The following CAMSAP1 variants were observed in gnomAD, a reference collection of about 807,000 sequenced individuals.
The protein encoded by CAMSAP1 is calmodulin regulated spectrin associated protein 1, also known as calmodulin-regulated spectrin-associated protein 1.
In CAMSAP1, 58 loss-of-function variants were observed where a neutral mutation model predicts 143.5. That is an observed-to-expected ratio of 0.40 (90% CI 0.33 to 0.50). CAMSAP1 has a LOEUF of 0.50. Among genes scored for constraint, CAMSAP1 ranks in the 20% least tolerant of loss-of-function variants. The pLI is 0.45. For synonymous variants in CAMSAP1, 945 were observed against 859.3 expected, an observed-to-expected ratio of 1.10 and a Z score of -1.74; for missense variants, 1,969 against 2,115.7, an observed-to-expected ratio of 0.93 and a Z score of 1.36.
At chr9:135,881,287 G>A (rs144887531) in intron 3 of CAMSAP1, among the ~76,000 whole-genome samples, 1 of 151,998 alleles carries the variant, frequency 6.6e-6, no homozygotes, top group Non-Finnish European at 1.5e-5. Flanking sequence ...GAGCCTGGGA[G>A]GTCAAGGCTG....
At chr9:135,889,937 C>A (rs1184802393) in intron 1 of CAMSAP1, among the ~76,000 whole-genome samples, 4 of 152,204 alleles carry the variant, frequency 2.6e-5, no homozygotes, top group African/African-American at 9.6e-5. Context: ...AATCTCGAGG[C>A]CCCCAAGGGC....
rs920214173 is a variant in CAMSAP1, at chr9:135,820,994, C to G, written c.3667G>C (p.Val1223Leu). 1 of 1,612,640 alleles carries G rather than the reference C, an allele frequency of 6.2e-7. No individual in the cohort carries two copies. The highest frequency in any genetic ancestry group is 1.7e-5 in the Admixed American group (1 of 59,974). Reference protein sequence around the residue: ...SDVSGKESVPVEEPLRSRASL... With the variant: ...SDVSGKESVPLEEPLRSRASL... The stretch of plus-strand genomic sequence containing the variant: ...GCCCTGCTCCTCAGAGGCTCCTCCA[C>G]GGGGACGCTCTCTTTTCCCGAGACA... The change falls in exon 11 of 17, where the codon GTG becomes CTG. Residue 1223 changes from valine (V) to leucine (L), a missense_variant. This residue lies in a region of CAMSAP1 where 1,390 missense variants were observed against 1,420.8 expected (regional missense o/e 0.98). Transcript: ENST00000389532. The surrounding 1 kb of genome is among the most constrained non-coding windows in gnomAD (Gnocchi z 4.4).
At chr9:135,886,742 C>T (rs558082502) in intron 1 of CAMSAP1, among the ~76,000 whole-genome samples, 14 of 152,290 alleles carry the variant, frequency 9.2e-5, no homozygotes, top group African/African-American at 3.1e-4. Flanking sequence ...GGAGAATGAG[C>T]GTGGACCCAG....
chr9:135,821,588 C>T lies in CAMSAP1; in HGVS notation c.3073G>A (p.Glu1025Lys), dbSNP rs374893562. The stretch of plus-strand genomic sequence containing the variant: ...GTACTGATGGTTTCGTTAAGCTTCT[C>T]GATGGAAAGGTCACATTCATTCACG... ...VDVNECDLSI[E>K]KLNETISTLQ... Residue 1025 changes from glutamate (E) to lysine (K), a missense_variant, in exon 11 of 17, where the codon GAG becomes AAG. This residue lies in a region of CAMSAP1 where 1,390 missense variants were observed against 1,420.8 expected (regional missense o/e 0.98). Coordinates refer to ENST00000389532, the MANE Select transcript of CAMSAP1 (RefSeq NM_015447.4). This position sits in a 1 kb window ranked among gnomAD's most constrained non-coding sequence, Gnocchi z 4.6. 2.5e-6 allele frequency: 4 copies of T among 1,613,870 alleles called. No homozygotes were observed. The highest frequency in any genetic ancestry group is 3.4e-6 in the Non-Finnish European group (4 of 1,179,888).
chr9:135,883,280 ACT>A (rs1838018134), intron 1 of CAMSAP1, among the ~76,000 whole-genome samples: 1 of 152,210 alleles, frequency 6.6e-6, no homozygotes, highest in African/African-American at 2.4e-5. Flanking sequence ...CAATAATTCT[ACT>A]GTCTTCTGTA....
Position 135,810,971 on chromosome 9 carries a change from C to G in CAMSAP1, c.*338G>C. 1 of 342,114 alleles carries G rather than the reference C, an allele frequency of 2.9e-6. No homozygotes were observed. 21.2% of individuals were successfully genotyped at this position (342,114 alleles called of 1,614,324 possible). ...TCTAATCTATGCTGAAGGAGAACTT[C>G]AAGTAAGGGAGCTCCGTGGCCCGGG... is the stretch of plus-strand genomic sequence containing the variant. On this transcript the variant is annotated 3_prime_UTR_variant, in exon 17 of 17. Coordinates refer to ENST00000389532, the MANE Select transcript of CAMSAP1 (RefSeq NM_015447.4).
At position 135,836,069 on chromosome 9, in the gene CAMSAP1, C is replaced by T. The variant is rs539573363; in HGVS notation, c.1046-8485G>A. On this transcript the variant is annotated intron_variant, in intron 7 of 16. Transcript: ENST00000389532. ...CAGCTTTTTCAGAGCTTCTCTTATC[C>T]GACCAGGGGCAGAAACTTCGGAAAG... 159 of 972,068 alleles carry T rather than the reference C, an allele frequency of 1.6e-4. 1 individual carries two copies. Among genetic ancestry groups the T allele is most frequent in the Non-Finnish European group, 1.9e-4 (154 of 817,764 alleles). The allele number at this position is 972,068 out of a possible 1,614,324, so 60.2% of individuals were successfully genotyped here.
chr9:135,814,530 C>T (rs1360054849), intron 16 of CAMSAP1, among the ~76,000 whole-genome samples: 1 of 152,212 alleles, frequency 6.6e-6, no homozygotes, highest in Non-Finnish European at 1.5e-5. Context: ...CCCTCAGATT[C>T]CTGCTTCCAA....
chr9:135,847,636 A>G (rs1242985562), intron 7 of CAMSAP1, among the ~76,000 whole-genome samples: 3 of 149,806 alleles, frequency 2.0e-5, no homozygotes, highest in Admixed American at 6.7e-5. Context: ...GTTCTTACTC[A>G]TAAGTGGGAG....
chr9:135,827,622 C>T, intron 7 of CAMSAP1, 38 bp from the exon 8 acceptor site: 1 of 1,495,740 alleles, frequency 6.7e-7, no homozygotes, highest in Non-Finnish European at 9.0e-7. Flanking sequence ...ACTTACAACA[C>T]TAACTGGAAG....
chr9:135,890,783 T>C (rs568364100), intron 1 of CAMSAP1, among the ~76,000 whole-genome samples: 1 of 152,296 alleles, frequency 6.6e-6, no homozygotes, highest in African/African-American at 2.4e-5. Flanking sequence ...TCCAAAATCT[T>C]TCACATACAA....
At chr9:135,900,454 G>A (rs1265063103) in intron 1 of CAMSAP1, among the ~76,000 whole-genome samples, 1 of 152,076 alleles carries the variant, frequency 6.6e-6, no homozygotes, top group African/African-American at 2.4e-5. Flanking sequence ...AGCACTTTGG[G>A]AGGCTGAGGT....
chr9:135,812,870 G>A (rs528065072), intron 16 of CAMSAP1, among the ~76,000 whole-genome samples: 7 of 151,980 alleles, frequency 4.6e-5, no homozygotes, highest in South Asian at 2.1e-4. Flanking sequence ...TCAGAGAATC[G>A]CTTGAGTCTG....
Position 135,882,576 on chromosome 9 carries a change from T to C in CAMSAP1, c.423+240A>G, listed in dbSNP as rs1837994787. 6.6e-6 allele frequency among the ~76,000 whole-genome samples: 1 copy of C among 152,226 alleles called. No homozygotes were observed. The highest frequency in any genetic ancestry group is 2.4e-5 in the African/African-American group (1 of 41,474). ...AACAGGCCTCACTCCAATCTCAGCATTCACAGAGCATTCCCAATGAGAAAA... is the reference window on the plus strand; with the variant it reads ...AACAGGCCTCACTCCAATCTCAGCACTCACAGAGCATTCCCAATGAGAAAA... On this transcript the variant is annotated intron_variant, in intron 2 of 16. Coordinates refer to ENST00000389532, the MANE Select transcript of CAMSAP1 (RefSeq NM_015447.4). The surrounding 1 kb of genome is among the most constrained non-coding windows in gnomAD (Gnocchi z 4.9).
At position 135,852,276 on chromosome 9, in the gene CAMSAP1, T is replaced by C. The variant is rs77911681; in HGVS notation, c.809-1815A>G. 3.8e-4 allele frequency among the ~76,000 whole-genome samples: 58 copies of C among 152,320 alleles called. No homozygotes were observed. The East Asian group carries it at 0.011, about 28-fold the overall frequency. ...ATCAGGTCACGTGTGCTGCAAATAT[T>C]TTCAATGGGTACAGTTTATCATTTC... is the stretch of plus-strand genomic sequence containing the variant. On this transcript the variant is annotated intron_variant, in intron 5 of 16. Transcript: ENST00000389532.
intron 5 of CAMSAP1, among the ~76,000 whole-genome samples, chr9:135,859,354 G>A (rs1837090681): frequency 6.6e-6 from 1 of 152,164 alleles, no homozygotes. Flanking sequence ...ACATAAGTCA[G>A]CAATGTGGCT....
intron 5 of CAMSAP1, 138 bp downstream of exon 5, chr9:135,862,329 T>C (rs1035153237): frequency 2.8e-5 from 29 of 1,026,202 alleles, no homozygotes; most frequent in Non-Finnish European, 3.8e-5. Flanking sequence ...TTTTCATCTA[T>C]AGGCTAACAT....
Position 135,811,197 on chromosome 9 carries a change from A to T in CAMSAP1, c.*112T>A. On this transcript the variant is annotated 3_prime_UTR_variant, in exon 17 of 17. Transcript: ENST00000389532. This position sits in a 1 kb window ranked among gnomAD's most constrained non-coding sequence, Gnocchi z 4.9. ...AGGTCTGTGACTTTGCACACTTCGT[A>T]CCCAAATAGATGAAAACAATAAATA... 8.0e-7 allele frequency: 1 copy of T among 1,256,480 alleles called. No individual in the cohort carries two copies. The highest frequency in any genetic ancestry group is 1.1e-6 in the Non-Finnish European group (1 of 915,776). 77.8% of individuals were successfully genotyped at this position (1,256,480 alleles called of 1,614,324 possible).
rs907656348 is a variant in CAMSAP1, at chr9:135,907,328, C to T, written c.-169G>A. 2.2e-5 allele frequency: 5 copies of T among 231,934 alleles called. No individual in the cohort carries two copies. Among genetic ancestry groups the T allele is most frequent in the Non-Finnish European group, 2.8e-5 (4 of 143,428 alleles). The allele number at this position is 231,934 out of a possible 1,614,324, so 14.4% of individuals were successfully genotyped here. On this transcript the variant is annotated 5_prime_UTR_variant, in exon 1 of 17. Coordinates refer to ENST00000389532, the MANE Select transcript of CAMSAP1 (RefSeq NM_015447.4). Reference sequence around the variant, plus strand: ...CACCTCACAGCCGCCGCCGTCGCCGCCCCCGCGGCTGCTGCATGCTGCGGG... The same window carrying T: ...CACCTCACAGCCGCCGCCGTCGCCGTCCCCGCGGCTGCTGCATGCTGCGGG...
Sources: allele counts gnomAD v4.1 joint callset (sites outside exome capture counted in the v4.1 genomes callset), GRCh38; gene constraint gnomAD v4.1.1; regional missense constraint gnomAD v4.1.1; non-coding constraint Gnocchi (gnomAD v3.1); transcripts MANE v1.5; gene names NCBI Gene and HGNC (gene_info 2026-07-23, HGNC 2026-07-21).